The following CDC42BPA variants were observed in gnomAD, a reference collection of about 807,000 sequenced individuals.
The protein encoded by CDC42BPA is serine/threonine-protein kinase MRCK alpha.
In CDC42BPA, 80 loss-of-function variants were observed where a neutral mutation model predicts 223.5. The observed-to-expected ratio is 0.36, with a 90% confidence interval of 0.30 to 0.43. The LOEUF is 0.43. Ranked by LOEUF, CDC42BPA falls within the 20% of genes least tolerant of loss-of-function variation. The pLI is 1.00. For missense variants in CDC42BPA, 1,743 were observed against 2,099.9 expected, an observed-to-expected ratio of 0.83 and a Z score of 3.32; for synonymous variants, 694 against 718.6, an observed-to-expected ratio of 0.97 and a Z score of 0.55.
rs150596746 is a variant in CDC42BPA, at chr1:227,010,642, T to C, written c.4857+5438A>G. Among the ~76,000 whole-genome samples the C allele has an allele frequency of 8.6e-3, 1,303 of 152,142 alleles. 7 individuals carry two copies. Among genetic ancestry groups the C allele is most frequent in the Non-Finnish European group, 0.012 (849 of 67,996 alleles). ...TAATACTGTGTTTCAAAAATGAAAA[T>C]TGAAATCTTCCCTATTCCTCCATCT... On this transcript the variant is annotated intron_variant, in intron 34 of 36. Coordinates refer to ENST00000366766, the MANE Select transcript of CDC42BPA (RefSeq NM_001394014.1).
chr1:227,124,751 T>C (rs1452219296), intron 11 of CDC42BPA, among the ~76,000 whole-genome samples: 2 of 152,110 alleles, frequency 1.3e-5, no homozygotes, highest in Non-Finnish European at 2.9e-5. Context: ...TTCTACTTTA[T>C]CCTGGAGGCA....
chr1:227,302,967 T>C (rs1374989694), intron 1 of CDC42BPA, among the ~76,000 whole-genome samples: 1 of 151,776 alleles, frequency 6.6e-6, no homozygotes, highest in African/African-American at 2.4e-5. Context: ...CTCTCATCTC[T>C]GGAAAATACT....
intron 16 of CDC42BPA, 148 bp downstream of exon 16, chr1:227,091,738 G>C (rs550601569): frequency 2.6e-5 from 13 of 495,768 alleles, no homozygotes; most frequent in African/African-American, 2.4e-4. Context: ...TTATAACAAA[G>C]AATTGCATAT....
In CDC42BPA at chr1:227,034,633, A is replaced by C. The variant is rs1572388580; in HGVS notation, c.3476+22T>G. The C allele has an allele frequency of 3.2e-6, 5 of 1,570,138 alleles. No homozygotes were observed. The East Asian group carries it at 1.1e-4, about 36-fold the overall frequency. ...ATTCCTATGTTGCAATGATACAAAT[A>C]ATTTTACCTTCAAACTCTTACCTCA... On this transcript the variant is annotated intron_variant, in intron 26 of 36. Transcript: ENST00000366766.
intron 5 of CDC42BPA, among the ~76,000 whole-genome samples, chr1:227,187,678 C>CT (rs55782315): frequency 1.5e-4 from 1 of 6,842 alleles, no homozygotes; most frequent in African/African-American, 4.3e-4. Flanking sequence ...TGGCACCCCC[C>CT]ACCCCCCCCC....
chr1:227,162,868 ATGTG>A (rs36157906), intron 5 of CDC42BPA, among the ~76,000 whole-genome samples: 5 of 149,356 alleles, frequency 3.3e-5, no homozygotes, highest in African/African-American at 9.9e-5. Flanking sequence ...ATAAATATAT[ATGTG>A]TGTGTGTGTG....
intron 4 of CDC42BPA, 42 bp from the exon 5 acceptor site, chr1:227,193,976 G>C (rs1670234273): frequency 1.4e-6 from 2 of 1,452,060 alleles, no homozygotes; most frequent in African/African-American, 1.4e-5. Flanking sequence ...AAACTAATAA[G>C]GGTGAAAAAT....
At chr1:227,293,300 A>G (rs537338853) in intron 1 of CDC42BPA, among the ~76,000 whole-genome samples, 1 of 152,296 alleles carries the variant, frequency 6.6e-6, no homozygotes, top group South Asian at 2.1e-4. Context: ...AATAGTGACT[A>G]TGGCATATTC....
chr1:227,311,373 G>A (rs1407218392), intron 1 of CDC42BPA, among the ~76,000 whole-genome samples: 2 of 152,116 alleles, frequency 1.3e-5, no homozygotes, highest in Non-Finnish European at 2.9e-5. Flanking sequence ...GGCAAAAGGA[G>A]CTAAGCAATT....
chr1:227,193,704 A>T, intron 5 of CDC42BPA, 82 bp downstream of exon 5: 1 of 1,120,072 alleles, frequency 8.9e-7, no homozygotes, highest in Non-Finnish European at 1.2e-6. Context: ...GACCATAATT[A>T]ATAAATCTGG....
Position 227,199,655 on chromosome 1 carries a change from G to A in CDC42BPA, c.355-3C>T. 1 of 1,558,774 alleles carries A rather than the reference G, an allele frequency of 6.4e-7. No homozygotes were observed. Among genetic ancestry groups the A allele is most frequent in the Non-Finnish European group, 8.8e-7 (1 of 1,135,204 alleles). On this transcript the variant is annotated splice_region_variant and splice_polypyrimidine_tract_variant and intron_variant, in intron 3 of 36. Coordinates refer to ENST00000366766, the MANE Select transcript of CDC42BPA (RefSeq NM_001394014.1). ...CTTTCTTCACGAAAACATGCTGTCTGAAACACAAAAAGAAAATTTTTAGAG... is the reference window on the plus strand; with the variant it reads ...CTTTCTTCACGAAAACATGCTGTCTAAAACACAAAAAGAAAATTTTTAGAG...
chr1:227,246,529 A>T (rs1680998288), intron 2 of CDC42BPA, among the ~76,000 whole-genome samples: 1 of 152,210 alleles, frequency 6.6e-6, no homozygotes, highest in Non-Finnish European at 1.5e-5. Flanking sequence ...ATACAGAAAG[A>T]AAGACCCAAT....
chr1:227,196,446 C>T (rs1254460539), intron 4 of CDC42BPA, among the ~76,000 whole-genome samples: 1 of 147,446 alleles, frequency 6.8e-6, no homozygotes, highest in Non-Finnish European at 1.5e-5. Context: ...TTCAGGCCAT[C>T]CTCCTGCCTC....
chr1:227,033,264 A>C, intron 27 of CDC42BPA, 70 bp downstream of exon 27: 1 of 958,310 alleles, frequency 1.0e-6, no homozygotes, highest in Non-Finnish European at 1.7e-6. Context: ...TTTATGATTT[A>C]TATAGGGAGG....
At chr1:227,038,631 A>G (rs1176874465) in intron 24 of CDC42BPA, among the ~76,000 whole-genome samples, 2 of 152,222 alleles carry the variant, frequency 1.3e-5, no homozygotes, top group African/African-American at 2.4e-5. Context: ...TGCTGAGCAA[A>G]CTTCCTACTT....
intron 35 of CDC42BPA, among the ~76,000 whole-genome samples, chr1:226,995,383 G>A (rs1416214134): frequency 1.3e-5 from 2 of 152,140 alleles, no homozygotes; most frequent in African/African-American, 2.4e-5. Context: ...TTATCATCAT[G>A]TGCCTGTCAT....
chr1:227,168,302 T>C (rs1181764539), intron 5 of CDC42BPA, among the ~76,000 whole-genome samples: 3 of 152,124 alleles, frequency 2.0e-5, no homozygotes, highest in Non-Finnish European at 4.4e-5. Context: ...ACTGGATATA[T>C]AGAATTCTTA....
chr1:227,144,499 CG>C lies in CDC42BPA; in HGVS notation c.1143+989del, dbSNP rs774141207. ...CTGAGGCAGGAGAACGGCGTGAACC[CG>C]GAAGGCGGAGCTTGCAATGAGCCGA... On this transcript the variant is annotated intron_variant, in intron 8 of 36. Transcript: ENST00000366766. 2.2e-5 allele frequency among the ~76,000 whole-genome samples: 3 copies of C among 134,190 alleles called. No homozygotes were observed. In the East Asian group the frequency reaches 7.3e-4, roughly 33 times the overall value. The allele number at this position is 134,190 out of a possible 152,430, so 88.0% of individuals were successfully genotyped here. A position where few individuals can be genotyped will look rare whatever the true frequency, so the allele number is the denominator to read the frequency against.
intron 14 of CDC42BPA, 106 bp downstream of exon 14, chr1:227,112,206 G>T: frequency 1.9e-6 from 1 of 534,642 alleles, no homozygotes. Flanking sequence ...TTTGAAGAAA[G>T]GCTAGTTTTC....
Sources: allele counts gnomAD v4.1 joint callset (sites outside exome capture counted in the v4.1 genomes callset), GRCh38; gene constraint gnomAD v4.1.1; transcripts MANE v1.5; gene names NCBI Gene and HGNC (gene_info 2026-07-23, HGNC 2026-07-21).